The following NRXN1 variants were observed in gnomAD, a reference collection of about 807,000 sequenced individuals.
The protein encoded by NRXN1 is neurexin-1.
NRXN1 carries 39 observed loss-of-function variants against 150.9 expected under a neutral mutation model. That is an observed-to-expected ratio of 0.26 (90% CI 0.20 to 0.34). The LOEUF (loss-of-function observed/expected upper bound fraction) is 0.34. Among genes scored for constraint, NRXN1 ranks in the 10% least tolerant of loss-of-function variants. NRXN1 has a pLI of 1.00. For synonymous variants in NRXN1, 924 were observed against 757.0 expected (o/e 1.22, Z -3.62); for missense variants, 1,815 against 1,949.9 (o/e 0.93, Z 1.30).
At chr2:50,532,890 C>T (rs186309178) in intron 10 of NRXN1, among the ~76,000 whole-genome samples, 6 of 152,110 alleles carry the variant, frequency 3.9e-5, no homozygotes, top group Admixed American at 2.6e-4. Context: ...TCATTGGTTC[C>T]GATAACTCAG....
At chr2:50,330,256 C>A (rs375755894) in intron 17 of NRXN1, among the ~76,000 whole-genome samples, 1 of 151,894 alleles carries the variant, frequency 6.6e-6, no homozygotes, top group Non-Finnish European at 1.5e-5. Flanking sequence ...TCTTTAGATA[C>A]GATTCTGGAT....
chr2:50,192,180 T>A (rs1304297126), intron 18 of NRXN1, among the ~76,000 whole-genome samples: 1 of 152,198 alleles, frequency 6.6e-6, no homozygotes, highest in Non-Finnish European at 1.5e-5. Context: ...TTTCAGTATT[T>A]AATTTAATTC....
chr2:50,004,325 T>G (rs1684417822), intron 21 of NRXN1, among the ~76,000 whole-genome samples: 1 of 152,114 alleles, frequency 6.6e-6, no homozygotes, highest in Admixed American at 6.6e-5. Flanking sequence ...AATACATTTA[T>G]CAATATCTCA....
intron 5 of NRXN1, among the ~76,000 whole-genome samples, chr2:50,704,416 G>A (rs958694221): frequency 6.6e-6 from 1 of 151,584 alleles, no homozygotes; most frequent in African/African-American, 2.4e-5. Flanking sequence ...AAATGAACAT[G>A]GAACAGATTA....
chr2:50,026,221 C>A (rs952177997), intron 21 of NRXN1, among the ~76,000 whole-genome samples: 1 of 152,170 alleles, frequency 6.6e-6, no homozygotes, highest in Non-Finnish European at 1.5e-5. Context: ...TTTAATTCAA[C>A]ATCTATTCAA....
At chr2:50,205,482 A>G (rs983251994) in intron 18 of NRXN1, among the ~76,000 whole-genome samples, 3 of 152,134 alleles carry the variant, frequency 2.0e-5, no homozygotes, top group South Asian at 2.1e-4. Context: ...TTGAATATAC[A>G]TTATAGTTCA....
chr2:50,074,558 G>C (rs992425790), intron 19 of NRXN1, among the ~76,000 whole-genome samples: 1 of 152,022 alleles, frequency 6.6e-6, no homozygotes, highest in Admixed American at 6.5e-5. Flanking sequence ...ATATATGATG[G>C]CTACTATTGT....
chr2:50,906,986 C>A (rs552098969), intron 5 of NRXN1, among the ~76,000 whole-genome samples: 5 of 152,102 alleles, frequency 3.3e-5, no homozygotes, highest in African/African-American at 1.2e-4. Flanking sequence ...TCACACCCCT[C>A]TTTCTCCCCA....
At chr2:50,944,487 G>C (rs1690000478) in intron 2 of NRXN1, among the ~76,000 whole-genome samples, 1 of 152,094 alleles carries the variant, frequency 6.6e-6, no homozygotes, top group Non-Finnish European at 1.5e-5. Context: ...CATAGCTAAT[G>C]AATAATAGAC....
At chr2:50,728,434 G>T (rs1697668357) in intron 5 of NRXN1, among the ~76,000 whole-genome samples, 1 of 152,116 alleles carries the variant, frequency 6.6e-6, no homozygotes, top group Admixed American at 6.6e-5. Flanking sequence ...TTTCCCTACA[G>T]ATGCAGAAAA....
intron 5 of NRXN1, among the ~76,000 whole-genome samples, chr2:50,700,915 C>T (rs748514332): frequency 3.3e-5 from 5 of 151,942 alleles, no homozygotes; most frequent in Non-Finnish European, 5.9e-5. Flanking sequence ...ATCTGCCCGC[C>T]TCGGCCTCCG....
At chr2:50,465,829 T>C (rs1237366527) in intron 16 of NRXN1, among the ~76,000 whole-genome samples, 1 of 151,900 alleles carries the variant, frequency 6.6e-6, no homozygotes, top group Non-Finnish European at 1.5e-5. Context: ...AGTATGATTA[T>C]TGTAGCAGGT....
At position 50,472,286 on chromosome 2, in the gene NRXN1, A is replaced by T; in HGVS notation, c.3244+12T>A. On this transcript the variant is annotated intron_variant, in intron 16 of 22. Transcript: ENST00000401669. ...TAGAATTATTTAGAGCATGATGACA[A>T]AAATCTAATACCTTCACATCCTCTC... The T allele has an allele frequency of 6.5e-7, 1 of 1,532,752 alleles. No individual in the cohort carries two copies. The highest frequency in any genetic ancestry group is 8.8e-7 in the Non-Finnish European group (1 of 1,136,606). 94.9% of individuals were successfully genotyped at this position (1,532,752 alleles called of 1,614,324 possible).
chr2:50,733,187 T>C (rs1698309467), intron 5 of NRXN1, among the ~76,000 whole-genome samples: 1 of 152,148 alleles, frequency 6.6e-6, no homozygotes, highest in Non-Finnish European at 1.5e-5. Context: ...CTGAAATCTA[T>C]TTTTATTGTT....
At chr2:50,143,902 C>T (rs546345066) in intron 18 of NRXN1, among the ~76,000 whole-genome samples, 1 of 151,828 alleles carries the variant, frequency 6.6e-6, no homozygotes, top group Non-Finnish European at 1.5e-5. Context: ...CTAATTCTAA[C>T]GTTACCCGTA....
At chr2:50,970,556 C>T (rs185695432) in intron 2 of NRXN1, among the ~76,000 whole-genome samples, 397 of 151,978 alleles carry the variant, frequency 2.6e-3, no homozygotes, top group African/African-American at 9.1e-3. Flanking sequence ...ATGGAAACAC[C>T]AGAATAACCA....
chr2:49,978,714 C>CAA (rs60622757), intron 21 of NRXN1, among the ~76,000 whole-genome samples: 4,805 of 123,020 alleles, frequency 0.039, 128 homozygotes, highest in Non-Finnish European at 0.056. Context: ...AGAGAGGCCA[C>CAA]AAAAAAAAAA....
At chr2:50,598,537 C>T (rs894457732) in intron 8 of NRXN1, among the ~76,000 whole-genome samples, 4 of 149,638 alleles carry the variant, frequency 2.7e-5, no homozygotes, top group African/African-American at 9.9e-5. Context: ...AATCCTAACT[C>T]TCCTATATAT....
intron 5 of NRXN1, among the ~76,000 whole-genome samples, chr2:50,691,482 A>T (rs1692065688): frequency 6.6e-6 from 1 of 152,158 alleles, no homozygotes; most frequent in Admixed American, 6.5e-5. Flanking sequence ...TCAAATGCTT[A>T]TTTTTTTAGG....
Sources: gnomAD v4.1 joint callset for allele counts (sites outside exome capture counted in the v4.1 genomes callset) on GRCh38, gnomAD v4.1.1 for gene constraint, MANE v1.5 for transcripts, NCBI Gene and HGNC (gene_info 2026-07-23, HGNC 2026-07-21) for gene names.